COL18A1: variants seen among roughly 807,000 people sequenced by gnomAD.
The protein encoded by COL18A1 is collagen type XVIII alpha 1 chain.
In COL18A1, 133 loss-of-function variants were observed where a neutral mutation model predicts 168.0. The observed-to-expected ratio is 0.79, with a 90% CI of 0.69 to 0.91. COL18A1 has a LOEUF of 0.91. COL18A1 is among the 40% of genes least tolerant of loss of function. The pLI, the probability that COL18A1 is intolerant of heterozygous loss-of-function variation, is 0.00. For synonymous variants in COL18A1, 949 were observed against 809.0 expected, an observed-to-expected ratio of 1.17 and a Z score of -2.94; for missense variants, 2,126 against 1,925.4, an observed-to-expected ratio of 1.10 and a Z score of -1.95.
chr21:45,473,474 C>T lies in COL18A1; in HGVS notation c.652-421C>T, dbSNP rs944074414. Among the ~76,000 whole-genome samples, 4 of 152,296 alleles carry T rather than the reference C, an allele frequency of 2.6e-5. No individual in the cohort carries two copies. Among genetic ancestry groups the T allele is most frequent in the South Asian group, 2.1e-4 (1 of 4,826 alleles). Reference sequence around the variant, plus strand: ...TGGTGCCACCTCGGTTGGTCCGAGTCGGGAGATGAGGCCGCCTGGTGCTTG... The same window carrying T: ...TGGTGCCACCTCGGTTGGTCCGAGTTGGGAGATGAGGCCGCCTGGTGCTTG... On this transcript the variant is annotated intron_variant, in intron 3 of 41. Coordinates refer to ENST00000651438, the MANE Select transcript of COL18A1 (RefSeq NM_001379500.1). This position sits in a 1 kb window ranked among gnomAD's most constrained non-coding sequence, Gnocchi z 4.0.
At chr21:45,410,623 G>T (rs2033263107) in intron 2 of COL18A1, among the ~76,000 whole-genome samples, 1 of 152,238 alleles carries the variant, frequency 6.6e-6, no homozygotes, top group Non-Finnish European at 1.5e-5. Flanking sequence ...CCGTTCCGTT[G>T]AGCAGCTTCA....
intron 2 of COL18A1, among the ~76,000 whole-genome samples, chr21:45,462,816 G>A (rs967588374): frequency 6.6e-6 from 1 of 152,126 alleles, no homozygotes; most frequent in African/African-American, 2.4e-5. Context: ...TGTGTGCCTT[G>A]TGATTTTGTG....
At chr21:45,503,218 C>T (rs1356838685) in intron 32 of COL18A1, among the ~76,000 whole-genome samples, 3 of 152,188 alleles carry the variant, frequency 2.0e-5, no homozygotes, top group Admixed American at 6.5e-5. Context: ...TTCTCTACAT[C>T]CTCTCCGGCA....
Position 45,453,835 on chromosome 21 carries a change from T to C in COL18A1, c.107-14407T>C, listed in dbSNP as rs576941227. 3.3e-5 allele frequency among the ~76,000 whole-genome samples: 5 copies of C among 152,270 alleles called. No homozygotes were observed. The South Asian group carries it at 1.0e-3, about 32-fold the overall frequency. ...CCATTGCTAGGCGTAATCAGTTCCTTGTGCCTGGCTCTGCCCAGGAGGTGT... is the reference window on the plus strand; with the variant it reads ...CCATTGCTAGGCGTAATCAGTTCCTCGTGCCTGGCTCTGCCCAGGAGGTGT... On this transcript the variant is annotated intron_variant, in intron 2 of 41. Coordinates refer to ENST00000651438, the MANE Select transcript of COL18A1 (RefSeq NM_001379500.1).
chr21:45,467,492 G>A, intron 2 of COL18A1: 1 of 949,794 alleles, frequency 1.1e-6, no homozygotes, highest in Middle Eastern at 5.4e-4. Context: ...GGGGGATGGG[G>A]AGATACAGCT....
intron 22 of COL18A1, among the ~76,000 whole-genome samples, 166 bp downstream of exon 22, chr21:45,491,480 C>CAGAG (rs1366974756): frequency 2.0e-5 from 3 of 150,644 alleles, no homozygotes; most frequent in African/African-American, 7.3e-5. Flanking sequence ...CGCCCTCGGT[C>CAGAG]AGAGACGCCT....
chr21:45,430,197 T>C (rs997216307), intron 2 of COL18A1, among the ~76,000 whole-genome samples: 1 of 147,648 alleles, frequency 6.8e-6, no homozygotes, highest in African/African-American at 2.6e-5. Flanking sequence ...GGGGGCCCCC[T>C]ATCTTTCTAG....
chr21:45,415,827 C>A (rs1015683762), intron 2 of COL18A1, among the ~76,000 whole-genome samples: 1 of 152,228 alleles, frequency 6.6e-6, no homozygotes, highest in Non-Finnish European at 1.5e-5. Flanking sequence ...CGCAGCCAGG[C>A]GGGCATGGTG....
At chr21:45,429,046 G>A (rs997049545) in intron 2 of COL18A1, among the ~76,000 whole-genome samples, 1 of 151,760 alleles carries the variant, frequency 6.6e-6, no homozygotes, top group Non-Finnish European at 1.5e-5. Flanking sequence ...GGGACTATAG[G>A]CGCGCCACCC....
intron 2 of COL18A1, among the ~76,000 whole-genome samples, chr21:45,459,669 T>C (rs1337941191): frequency 6.6e-6 from 1 of 152,148 alleles, no homozygotes; most frequent in Non-Finnish European, 1.5e-5. Context: ...TTTGCTGTGT[T>C]GTGGGCTTGT....
In COL18A1 at chr21:45,485,149, A is replaced by ATTTTTTTTTTTT. The variant is rs751718038; in HGVS notation, c.1702-1692_1702-1681dup. 2.0e-3 allele frequency among the ~76,000 whole-genome samples: 111 copies of ATTTTTTTTTTTT among 55,082 alleles called. 11 individuals carry two copies. The highest frequency in any genetic ancestry group is 3.3e-3 in the Non-Finnish European group (98 of 30,146). 36.1% of individuals were successfully genotyped at this position (55,082 alleles called of 152,430 possible). On this transcript the variant is annotated intron_variant, in intron 15 of 41. Transcript: ENST00000651438. ...AGGCATCTGCCACCACACCTGGCTAATTTTTTTTTTTTTTTTTTTTTTTTT... is the reference window on the plus strand; with the variant it reads ...AGGCATCTGCCACCACACCTGGCTAATTTTTTTTTTTTTTTTTTTTTTTTTTTTTTTTTTTTT...
chr21:45,431,850 C>T (rs553354792), intron 2 of COL18A1, among the ~76,000 whole-genome samples: 6 of 152,186 alleles, frequency 3.9e-5, no homozygotes, highest in East Asian at 3.9e-4. Flanking sequence ...CGGGGTACAG[C>T]GGGGGTACCA....
chr21:45,412,981 G>A (rs1215960627), intron 2 of COL18A1, among the ~76,000 whole-genome samples: 5 of 152,204 alleles, frequency 3.3e-5, no homozygotes, highest in African/African-American at 2.4e-5. Flanking sequence ...CACCCTCTCC[G>A]TGTCTTGGTC....
chr21:45,418,142 C>T (rs1455405231), intron 2 of COL18A1, among the ~76,000 whole-genome samples: 1 of 152,254 alleles, frequency 6.6e-6, no homozygotes, highest in Non-Finnish European at 1.5e-5. Context: ...AAGACCCTTC[C>T]CTTCCAGGGG....
At chr21:45,494,468 C>T (rs908247743) in intron 26 of COL18A1, 77 bp from the exon 27 acceptor site, 1 of 1,605,768 alleles carries the variant, frequency 6.2e-7, no homozygotes, top group Admixed American at 1.7e-5. Flanking sequence ...CGTGCCTTCG[C>T]CACAGGGGCC....
At chr21:45,458,458 C>A (rs1303361991) in intron 2 of COL18A1, among the ~76,000 whole-genome samples, 1 of 152,086 alleles carries the variant, frequency 6.6e-6, no homozygotes, top group African/African-American at 2.4e-5. Context: ...GATGTCACCC[C>A]CAGGGCAGCT....
intron 29 of COL18A1, chr21:45,496,195 C>G: frequency 3.5e-6 from 2 of 574,452 alleles, no homozygotes; most frequent in South Asian, 3.2e-5. Flanking sequence ...AGCTTTGTCT[C>G]CCTGATGTCA....
intron 14 of COL18A1, chr21:45,482,393 GC>G (rs1568911406): frequency 1.6e-6 from 1 of 634,240 alleles, no homozygotes; most frequent in East Asian, 3.1e-5. Flanking sequence ...GGAGTCGCCT[GC>G]GTCTGGCCCC....
intron 2 of COL18A1, among the ~76,000 whole-genome samples, chr21:45,466,460 C>T (rs1602451175): frequency 6.6e-6 from 1 of 150,760 alleles, no homozygotes; most frequent in East Asian, 1.9e-4. Context: ...GAAGGTTGAG[C>T]TCTCGCACCC....
Sources: allele counts gnomAD v4.1 joint callset (sites outside exome capture counted in the v4.1 genomes callset), GRCh38; gene constraint gnomAD v4.1.1; non-coding constraint Gnocchi (gnomAD v3.1); transcripts MANE v1.5; gene names NCBI Gene and HGNC (gene_info 2026-07-23, HGNC 2026-07-21).